USH2A: variants seen among roughly 807,000 people sequenced by gnomAD.
The protein encoded by USH2A is usherin.
In USH2A, 443 loss-of-function variants were observed where a neutral mutation model predicts 538.9. The observed-to-expected ratio is 0.82, with a 90% CI of 0.76 to 0.89. The LOEUF (loss-of-function observed/expected upper bound fraction) is 0.89, where lower values mean the gene tolerates loss of function less well. Ranked by LOEUF, USH2A falls within the 40% of genes least tolerant of loss-of-function variation. USH2A has a pLI of 0.00. For synonymous variants in USH2A, 2,413 were observed against 2,273.5 expected (o/e 1.06, Z -1.75); for missense variants, 6,633 against 6,324.8 (o/e 1.05, Z -1.65).
intron 11 of USH2A, among the ~76,000 whole-genome samples, chr1:216,278,429 AC>A (rs1407544022): frequency 6.6e-6 from 1 of 152,112 alleles, no homozygotes; most frequent in African/African-American, 2.4e-5. Context: ...ATACCCCAGG[AC>A]CTTTGTTCCT....
chr1:215,874,595 A>G (rs1664711028), intron 43 of USH2A, among the ~76,000 whole-genome samples: 1 of 152,186 alleles, frequency 6.6e-6, no homozygotes, highest in Admixed American at 6.5e-5. Context: ...AAAATAGACC[A>G]CTTGAACTAG....
intron 58 of USH2A, among the ~76,000 whole-genome samples, chr1:215,756,237 C>A (rs1007546788): frequency 6.6e-6 from 1 of 152,138 alleles, no homozygotes; most frequent in Admixed American, 6.5e-5. Flanking sequence ...CGTTTAAGTT[C>A]AGCTAATAGG....
intron 21 of USH2A, among the ~76,000 whole-genome samples, chr1:216,131,549 T>G (rs2033377110): frequency 6.6e-6 from 1 of 152,090 alleles, no homozygotes; most frequent in Non-Finnish European, 1.5e-5. Flanking sequence ...CAAACTATAT[T>G]CTTTCTGAAG....
chr1:216,172,254 T>C lies in USH2A; in HGVS notation c.4627+2998A>G, dbSNP rs558710266. ...ACTGAGACTTGCAACATAATGTTCA[T>C]GGCCATGAAATGTGTTATGAATGCG... On this transcript the variant is annotated intron_variant, in intron 21 of 71. Transcript: ENST00000307340. 2.0e-5 allele frequency among the ~76,000 whole-genome samples: 3 copies of C among 152,248 alleles called. No homozygotes were observed. In the South Asian group the frequency reaches 6.2e-4, roughly 32 times the overall value.
At chr1:215,958,071 G>A (rs1303021417) in intron 37 of USH2A, among the ~76,000 whole-genome samples, 1 of 152,122 alleles carries the variant, frequency 6.6e-6, no homozygotes, top group Admixed American at 6.6e-5. Context: ...CTCTTTGGAA[G>A]TCTAAGAGGT....
At chr1:216,173,365 C>T (rs2034308995) in intron 21 of USH2A, among the ~76,000 whole-genome samples, 1 of 152,096 alleles carries the variant, frequency 6.6e-6, no homozygotes, top group African/African-American at 2.4e-5. Flanking sequence ...CTAAAAAGGG[C>T]ATCAGCAATG....
rs189144941 is a variant in USH2A, at chr1:216,225,950, A to C, written c.2993+6003T>G. On this transcript the variant is annotated intron_variant, in intron 14 of 71. Coordinates refer to ENST00000307340, the MANE Select transcript of USH2A (RefSeq NM_206933.4). ...GGTGATCATGTGTTTGAAAGCCATT[A>C]ACATGTATGTAGTGGTTGAAATCAG... Among the ~76,000 whole-genome samples the C allele has an allele frequency of 1.6e-3, 242 of 152,294 alleles. 2 individuals are homozygous for C. The highest frequency in any genetic ancestry group is 5.7e-3 in the African/African-American group (235 of 41,562).
At chr1:216,076,455 T>C (rs138336852) in intron 27 of USH2A, among the ~76,000 whole-genome samples, 2,179 of 152,250 alleles carry the variant, frequency 0.014, 43 homozygotes, top group African/African-American at 0.049. Flanking sequence ...GGACCATCAA[T>C]AGTAATGGGT....
At chr1:215,999,133 T>C in intron 33 of USH2A, 75 bp from the exon 34 acceptor site, 1 of 1,271,090 alleles carries the variant, frequency 7.9e-7, no homozygotes, top group South Asian at 1.3e-5. Flanking sequence ...AAAGGACACA[T>C]TTGAACTTGG....
chr1:215,866,926 A>C lies in USH2A; in HGVS notation c.8845+81T>G, dbSNP rs1664483960. On this transcript the variant is annotated intron_variant, in intron 44 of 71. Coordinates refer to ENST00000307340, the MANE Select transcript of USH2A (RefSeq NM_206933.4). ...ACTTCACTATCAAAATGATGTGTAC[A>C]TGGGGGAGGTTCATAGTAAAGAAAG... 3.8e-6 allele frequency: 6 copies of C among 1,584,662 alleles called. No homozygotes were observed. In the South Asian group the frequency reaches 6.7e-5, roughly 18 times the overall value.
At chr1:215,962,586 A>G (rs1031644981) in intron 37 of USH2A, among the ~76,000 whole-genome samples, 7 of 152,102 alleles carry the variant, frequency 4.6e-5, no homozygotes, top group African/African-American at 1.7e-4. Flanking sequence ...TATCATTAGT[A>G]TAAAATGTTG....
At chr1:216,328,577 C>G (rs2037783549) in intron 4 of USH2A, among the ~76,000 whole-genome samples, 1 of 151,910 alleles carries the variant, frequency 6.6e-6, no homozygotes, top group South Asian at 2.1e-4. Context: ...TTTCTTTTAA[C>G]TATTCAGTTT....
chr1:215,872,986 C>T (rs1664662020), intron 43 of USH2A, among the ~76,000 whole-genome samples: 1 of 152,070 alleles, frequency 6.6e-6, no homozygotes. Flanking sequence ...GCCTGCAGAA[C>T]CATGAGCCAA....
intron 32 of USH2A, among the ~76,000 whole-genome samples, chr1:216,013,275 C>G (rs1412908810): frequency 6.8e-6 from 1 of 147,832 alleles, no homozygotes; most frequent in African/African-American, 2.5e-5. Flanking sequence ...CACCCCTTAC[C>G]ACAAGACCTC....
intron 30 of USH2A, among the ~76,000 whole-genome samples, chr1:216,053,455 T>TC (rs1491527947): frequency 2.5e-5 from 1 of 40,196 alleles, no homozygotes; most frequent in Non-Finnish European, 6.5e-5. Flanking sequence ...CAGAGAAGTC[T>TC]TTTTTTTTTT....
intron 61 of USH2A, among the ~76,000 whole-genome samples, chr1:215,711,212 C>A (rs1420572263): frequency 6.6e-6 from 1 of 152,056 alleles, no homozygotes; most frequent in Non-Finnish European, 1.5e-5. Context: ...TTTATAATCC[C>A]TTCTTAAGTT....
At chr1:216,046,365 A>G (rs1445490313) in intron 32 of USH2A, 66 bp downstream of exon 32, 1 of 1,595,264 alleles carries the variant, frequency 6.3e-7, no homozygotes, top group Non-Finnish European at 8.6e-7. Flanking sequence ...ATCGAGAGCC[A>G]ACTATATGTA....
At chr1:215,838,159 C>T (rs1191195732) in intron 46 of USH2A, 56 bp from the exon 47 acceptor site, 1 of 1,361,778 alleles carries the variant, frequency 7.3e-7, no homozygotes, top group Non-Finnish European at 1.1e-6. Context: ...TACTTACTAA[C>T]AATAGTCTGA....
At chr1:216,324,401 T>C (rs2037688099) in intron 6 of USH2A, 49 bp from the exon 7 acceptor site, 3 of 1,466,698 alleles carry the variant, frequency 2.0e-6, no homozygotes, top group African/African-American at 1.4e-5. Flanking sequence ...AGTTTAACCA[T>C]CAGTATATAT....
Sources: gnomAD v4.1 joint callset for allele counts (sites outside exome capture counted in the v4.1 genomes callset) on GRCh38, gnomAD v4.1.1 for gene constraint, MANE v1.5 for transcripts, NCBI Gene and HGNC (gene_info 2026-07-23, HGNC 2026-07-21) for gene names.